The following KDM2A variants were observed in gnomAD, a reference collection of about 807,000 sequenced individuals.
KDM2A encodes the protein lysine-specific demethylase 2A.
Under a neutral mutation model 137.3 loss-of-function variants are expected in KDM2A, and 3 were observed. That is an observed-to-expected ratio of 0.02 (90% confidence interval 0.01 to 0.06). The LOEUF is 0.06. KDM2A is among the 10% of genes least tolerant of loss of function. KDM2A has a pLI of 1.00. For missense variants in KDM2A, 738 were observed against 1,510.6 expected (o/e 0.49, Z 8.48); for synonymous variants, 512 against 541.5 (o/e 0.95, Z 0.76).
At chr11:67,229,179 C>T (rs980819915) in intron 11 of KDM2A, among the ~76,000 whole-genome samples, 1 of 152,124 alleles carries the variant, frequency 6.6e-6, no homozygotes, top group Admixed American at 6.6e-5. Context: ...TATTATTATC[C>T]TCATTTTACA....
Position 67,255,699 on chromosome 11 carries a change from C to T in KDM2A, c.*644C>T. ...CTTGTTCACATAATTAGGTTTCCCA[C>T]CCCAGCCTACCCGACTTACTTGCTA... On this transcript the variant is annotated 3_prime_UTR_variant, in exon 21 of 21. Transcript: ENST00000529006. The T allele has an allele frequency of 2.5e-6, 1 of 394,416 alleles. No individual in the cohort carries two copies. Among genetic ancestry groups the T allele is most frequent in the Non-Finnish European group, 5.1e-6 (1 of 194,414 alleles). 24.4% of individuals were successfully genotyped at this position (394,416 alleles called of 1,614,324 possible).
chr11:67,190,544 G>C (rs1857327015), intron 5 of KDM2A, among the ~76,000 whole-genome samples: 1 of 152,106 alleles, frequency 6.6e-6, no homozygotes, highest in East Asian at 1.9e-4. Flanking sequence ...TGCATTGCCT[G>C]AGCTCAGGAG....
chr11:67,181,500 A>G lies in KDM2A; in HGVS notation c.260+102A>G, dbSNP rs563621015. ...TGATAACCCAAAACAATAGTAATTG[A>G]AAATAATTTCCCACTTTGTTTTAAA... is the stretch of plus-strand genomic sequence containing the variant. On this transcript the variant is annotated intron_variant, in intron 4 of 20. Transcript: ENST00000529006. The G allele has an allele frequency of 3.9e-5, 28 of 721,630 alleles. No homozygotes were observed. The African/African-American group carries it at 3.9e-4, about 10-fold the overall frequency. 44.7% of individuals were successfully genotyped at this position (721,630 alleles called of 1,614,324 possible). A position where few individuals can be genotyped will look rare whatever the true frequency, so the allele number is the denominator to read the frequency against.
intron 2 of KDM2A, among the ~76,000 whole-genome samples, chr11:67,121,872 A>G (rs1855605156): frequency 6.6e-6 from 1 of 152,220 alleles, no homozygotes; most frequent in South Asian, 2.1e-4. Context: ...GAAGACAAGT[A>G]GGTAGAATAC....
At position 67,245,160 on chromosome 11, in the gene KDM2A, T is replaced by C. The variant is rs754746572; in HGVS notation, c.1564-29T>C. ...TATCCAGTCTTAAAGCAACCTGATA[T>C]ATTTGACCTCACTGCTTTCTCTTTC... On this transcript the variant is annotated intron_variant, in intron 13 of 20. Transcript: ENST00000529006. This position sits in a 1 kb window ranked among gnomAD's most constrained non-coding sequence, Gnocchi z 4.1. 9 of 1,608,524 alleles carry C rather than the reference T, an allele frequency of 5.6e-6. No individual in the cohort carries two copies. The South Asian group carries it at 6.6e-5, about 12-fold the overall frequency.
chr11:67,201,613 C>T (rs1392957869), intron 5 of KDM2A, among the ~76,000 whole-genome samples: 3 of 151,022 alleles, frequency 2.0e-5, no homozygotes, highest in Non-Finnish European at 3.0e-5. Context: ...ACTAAACATA[C>T]AAAAATTAGC....
At chr11:67,204,263 T>G (rs1344725367) in intron 5 of KDM2A, among the ~76,000 whole-genome samples, 1 of 152,054 alleles carries the variant, frequency 6.6e-6, no homozygotes, top group Non-Finnish European at 1.5e-5. Context: ...GTCATCAAGT[T>G]TTTTCACAGT....
chr11:67,188,896 G>A (rs781780029), intron 5 of KDM2A, among the ~76,000 whole-genome samples: 5 of 151,536 alleles, frequency 3.3e-5, no homozygotes, highest in South Asian at 2.1e-4. Context: ...TGTACCTAAC[G>A]ACAGACCATC....
intron 12 of KDM2A, among the ~76,000 whole-genome samples, chr11:67,240,929 C>A (rs1228613827): frequency 6.6e-6 from 1 of 152,204 alleles, no homozygotes; most frequent in African/African-American, 2.4e-5. Context: ...CCACCCCCCA[C>A]ACACACACCG....
rs11227706 is a variant in KDM2A at position 67,141,279 on chromosome 11, A to G, written c.42+19921A>G. On this transcript the variant is annotated intron_variant, in intron 2 of 20. Transcript: ENST00000529006. ...TACTTTATTAGATGCATAGATTGTA[A>G]TGACCAAGTCAGAGTATTTGGGGCA... 5.3e-4 allele frequency among the ~76,000 whole-genome samples: 81 copies of G among 152,214 alleles called. 2 individuals carry two copies. The highest frequency in any genetic ancestry group is 7.4e-5 in the Non-Finnish European group (5 of 68,016).
intron 2 of KDM2A, chr11:67,148,971 G>A (rs1856320134): frequency 1.3e-5 from 2 of 152,254 alleles, no homozygotes; most frequent in Admixed American, 1.3e-4. Flanking sequence ...CTATTTATAG[G>A]TTTGGGTTGT....
chr11:67,212,675 C>G (rs1182372966), intron 6 of KDM2A, among the ~76,000 whole-genome samples: 1 of 151,968 alleles, frequency 6.6e-6, no homozygotes. Context: ...ACCACAAATT[C>G]TCTCTGTAGT....
chr11:67,153,400 G>T (rs1306265036), intron 2 of KDM2A, among the ~76,000 whole-genome samples: 1 of 152,094 alleles, frequency 6.6e-6, no homozygotes, highest in Non-Finnish European at 1.5e-5. Flanking sequence ...AGACACCCTG[G>T]CTCCCAAAGA....
intron 5 of KDM2A, among the ~76,000 whole-genome samples, chr11:67,191,074 C>T (rs1261756307): frequency 3.3e-5 from 5 of 151,962 alleles, no homozygotes; most frequent in Admixed American, 6.6e-5. Context: ...AGATGAGTCT[C>T]GTTGCTGTCG....
intron 12 of KDM2A, 66 bp downstream of exon 12, chr11:67,232,026 A>C: frequency 6.7e-7 from 1 of 1,483,390 alleles, no homozygotes; most frequent in Non-Finnish European, 9.0e-7. Flanking sequence ...CCAGATTCAG[A>C]GGGAGAAAAT....
intron 15 of KDM2A, among the ~76,000 whole-genome samples, chr11:67,247,506 C>T (rs1045102561): frequency 6.3e-5 from 9 of 141,940 alleles, no homozygotes; most frequent in African/African-American, 2.1e-4. Context: ...TGGCTCACTG[C>T]AGCCTCCATC....
chr11:67,247,087 T>A (rs1392417341), intron 15 of KDM2A, among the ~76,000 whole-genome samples: 3 of 95,326 alleles, frequency 3.1e-5, no homozygotes, highest in African/African-American at 1.3e-4. Context: ...TTTTTTTTTT[T>A]TTTTTTTTTT....
chr11:67,121,225 A>G lies in KDM2A; in HGVS notation c.-83-9A>G. The G allele has an allele frequency of 1.1e-6, 1 of 877,116 alleles. No homozygotes were observed. The highest frequency in any genetic ancestry group is 1.9e-6 in the Non-Finnish European group (1 of 526,540). 54.3% of individuals were successfully genotyped at this position (877,116 alleles called of 1,614,324 possible). ...AGTTCTCATTTCTGCTTATATCATT[A>G]TTCTTTAGTGTTGCAATCTGGTTCC... On this transcript the variant is annotated splice_polypyrimidine_tract_variant and intron_variant, in intron 1 of 20. Coordinates refer to ENST00000529006, the MANE Select transcript of KDM2A (RefSeq NM_012308.3).
intron 2 of KDM2A, among the ~76,000 whole-genome samples, chr11:67,171,204 G>T (rs941587614): frequency 1.3e-5 from 2 of 152,186 alleles, no homozygotes; most frequent in Non-Finnish European, 2.9e-5. Flanking sequence ...ATACATAGAA[G>T]TTGAGAGGAA....
Sources: allele counts gnomAD v4.1 joint callset (sites outside exome capture counted in the v4.1 genomes callset), GRCh38; gene constraint gnomAD v4.1.1; non-coding constraint Gnocchi (gnomAD v3.1); transcripts MANE v1.5; gene names NCBI Gene and HGNC (gene_info 2026-07-23, HGNC 2026-07-21).